The following SUMF1 variants were observed in gnomAD, a reference collection of about 807,000 sequenced individuals.
The protein encoded by SUMF1 is formylglycine-generating enzyme.
Under a neutral mutation model 47.6 loss-of-function variants are expected in SUMF1, and 48 were observed. The ratio of observed to expected loss-of-function variants is 1.01; its 90% confidence interval spans 0.80 to 1.28. The LOEUF is 1.28. Among genes scored for constraint, SUMF1 ranks in the 50% most tolerant of loss-of-function variants. The pLI, the probability that SUMF1 is intolerant of heterozygous loss-of-function variation, is 0.00. For synonymous variants in SUMF1, 230 were observed against 192.1 expected, an observed-to-expected ratio of 1.20 and a Z score of -1.63; for missense variants, 571 against 485.4, an observed-to-expected ratio of 1.18 and a Z score of -1.66.
At chr3:4,416,521 C>T (rs1701717804) in intron 6 of SUMF1, among the ~76,000 whole-genome samples, 1 of 152,180 alleles carries the variant, frequency 6.6e-6, no homozygotes, top group Non-Finnish European at 1.5e-5. Flanking sequence ...ACACCAGAAA[C>T]ACATATGCTG....
chr3:4,305,451 T>C (rs540470460), intron 8 of SUMF1, among the ~76,000 whole-genome samples: 110 of 152,230 alleles, frequency 7.2e-4, no homozygotes, highest in Non-Finnish European at 1.3e-3. Flanking sequence ...GAGCAGGTTG[T>C]AAAATGTTTC....
intron 8 of SUMF1, among the ~76,000 whole-genome samples, chr3:4,102,728 C>T (rs1292281913): frequency 6.6e-6 from 1 of 151,908 alleles, no homozygotes; most frequent in African/African-American, 2.4e-5. Context: ...TCTACAAGGG[C>T]AGAGTCTTGC....
intron 3 of SUMF1, among the ~76,000 whole-genome samples, chr3:4,422,726 A>G (rs1423837502): frequency 6.6e-6 from 1 of 152,104 alleles, no homozygotes; most frequent in Non-Finnish European, 1.5e-5. Flanking sequence ...ACAAGCCTTA[A>G]ACAGGAGAAG....
intron 8 of SUMF1, among the ~76,000 whole-genome samples, chr3:4,198,709 G>A (rs1401233782): frequency 6.6e-6 from 1 of 152,002 alleles, no homozygotes; most frequent in African/African-American, 2.4e-5. Context: ...GATCTGAGGG[G>A]AGCCTACCTC....
intron 8 of SUMF1, among the ~76,000 whole-genome samples, chr3:4,070,823 G>A (rs189634666): frequency 6.6e-6 from 1 of 151,950 alleles, no homozygotes; most frequent in East Asian, 2.0e-4. Flanking sequence ...AGTAGAGACG[G>A]GGTTTCACCA....
At chr3:4,366,353 C>G (rs1347633398) in intron 8 of SUMF1, among the ~76,000 whole-genome samples, 1 of 152,154 alleles carries the variant, frequency 6.6e-6, no homozygotes, top group African/African-American at 2.4e-5. Flanking sequence ...TCAGGTACAC[C>G]CATCAGACGT....
chr3:4,228,474 T>C (rs979829330), intron 8 of SUMF1, among the ~76,000 whole-genome samples: 2 of 152,224 alleles, frequency 1.3e-5, no homozygotes, highest in South Asian at 2.1e-4. Context: ...ACTAAGTTTA[T>C]GGAAAGCAGC....
chr3:4,108,825 C>A (rs922515135), intron 8 of SUMF1, among the ~76,000 whole-genome samples: 12 of 152,030 alleles, frequency 7.9e-5, no homozygotes, highest in African/African-American at 2.9e-4. Context: ...TGTCCCTGCA[C>A]GTGAGATGGG....
chr3:4,181,941 C>T (rs1695105466), intron 8 of SUMF1, among the ~76,000 whole-genome samples: 1 of 152,166 alleles, frequency 6.6e-6, no homozygotes, highest in African/African-American at 2.4e-5. Flanking sequence ...ACTCCAGAAC[C>T]TGGCCTTCCA....
intron 8 of SUMF1, among the ~76,000 whole-genome samples, chr3:4,166,156 A>G (rs1694701812): frequency 6.6e-6 from 1 of 152,118 alleles, no homozygotes; most frequent in African/African-American, 2.4e-5. Context: ...GAAAAATCGG[A>G]TTTAGTGACC....
intron 8 of SUMF1, among the ~76,000 whole-genome samples, chr3:4,194,838 G>T (rs1430793606): frequency 6.6e-6 from 1 of 152,110 alleles, no homozygotes; most frequent in Non-Finnish European, 1.5e-5. Flanking sequence ...TTCGAACAAT[G>T]TTATTTACTG....
chr3:4,348,360 C>T (rs768500607), intron 8 of SUMF1, among the ~76,000 whole-genome samples: 3 of 152,068 alleles, frequency 2.0e-5, no homozygotes, highest in Non-Finnish European at 4.4e-5. Context: ...ACAGAGACCT[C>T]GGAAGCAATA....
At chr3:4,442,384 T>C (rs1389792315) in intron 3 of SUMF1, among the ~76,000 whole-genome samples, 1 of 129,056 alleles carries the variant, frequency 7.7e-6, no homozygotes, top group Non-Finnish European at 1.8e-5. Flanking sequence ...GCCTCCCGAG[T>C]AGCTGGGACT....
intron 7 of SUMF1, among the ~76,000 whole-genome samples, chr3:4,399,784 G>T (rs1001165420): frequency 2.6e-5 from 4 of 152,138 alleles, no homozygotes; most frequent in African/African-American, 9.7e-5. Context: ...TTGAGACAGA[G>T]TCTCGCTCTG....
At position 4,253,285 on chromosome 3, in the gene SUMF1, C is replaced by T. The variant is rs1044006775; in HGVS notation, c.1014+123045G>A. 1.1e-4 allele frequency among the ~76,000 whole-genome samples: 16 copies of T among 152,052 alleles called. No individual in the cohort carries two copies. The East Asian group carries it at 2.1e-3, about 20-fold the overall frequency. On this transcript the variant is annotated intron_variant and NMD_transcript_variant, in intron 8 of 12. Transcript: ENST00000448413. ...CAAGATGGCCGAATAGGAACAGCTC[C>T]GGTCTACAGCTCCCAGCGTGAGTGA...
chr3:4,350,470 T>C (rs1699476864), intron 8 of SUMF1, among the ~76,000 whole-genome samples: 1 of 152,110 alleles, frequency 6.6e-6, no homozygotes, highest in Non-Finnish European at 1.5e-5. Context: ...TCTGGAAAGA[T>C]AGACTGTTGA....
intron 7 of SUMF1, among the ~76,000 whole-genome samples, chr3:4,409,865 T>C (rs17040639): frequency 0.04 from 6,091 of 152,284 alleles, 438 homozygotes; most frequent in African/African-American, 0.14. Context: ...ATCCAACAAC[T>C]TTATTCCCGT....
intron 8 of SUMF1, among the ~76,000 whole-genome samples, chr3:4,308,440 G>T (rs938187937): frequency 6.6e-6 from 1 of 152,188 alleles, no homozygotes; most frequent in Non-Finnish European, 1.5e-5. Context: ...AGAAACATAT[G>T]TTGTTTTAAA....
At chr3:4,256,077 G>C (rs1696947558) in intron 8 of SUMF1, among the ~76,000 whole-genome samples, 1 of 149,454 alleles carries the variant, frequency 6.7e-6, no homozygotes, top group Non-Finnish European at 1.5e-5. Flanking sequence ...TGAGAACAAA[G>C]ACACAACATA....
Sources: allele counts gnomAD v4.1 joint callset (sites outside exome capture counted in the v4.1 genomes callset), GRCh38; gene constraint gnomAD v4.1.1; transcripts MANE v1.5; gene names NCBI Gene and HGNC (gene_info 2026-07-23, HGNC 2026-07-21).